FSIP1: variants seen among roughly 807,000 people sequenced by gnomAD.
FSIP1 encodes fibrous sheath-interacting protein 1.
Under a neutral mutation model 60.9 loss-of-function variants are expected in FSIP1, and 65 were observed. The observed-to-expected ratio is 1.07, with a 90% CI of 0.87 to 1.31. FSIP1 has a LOEUF of 1.31. FSIP1 is among the 40% of genes most tolerant of loss of function. FSIP1 has a pLI of 0.00. For synonymous variants in FSIP1, 209 were observed against 221.2 expected, an observed-to-expected ratio of 0.94 and a Z score of 0.49; for missense variants, 675 against 665.5, an observed-to-expected ratio of 1.01 and a Z score of -0.16.
chr15:39,670,544 C>T (rs151027075), intron 10 of FSIP1, among the ~76,000 whole-genome samples: 189 of 152,182 alleles, frequency 1.2e-3, no homozygotes, highest in African/African-American at 4.5e-3. Context: ...TGCAGTGGTG[C>T]GATCATAGCT....
chr15:39,727,171 G>T (rs1277284285), intron 8 of FSIP1, among the ~76,000 whole-genome samples: 1 of 152,076 alleles, frequency 6.6e-6, no homozygotes, highest in African/African-American at 2.4e-5. Flanking sequence ...CAGTTGCTTG[G>T]GTTTCACAAA....
chr15:39,679,221 G>C (rs1894062967), intron 10 of FSIP1, among the ~76,000 whole-genome samples: 1 of 152,138 alleles, frequency 6.6e-6, no homozygotes, highest in African/African-American at 2.4e-5. Context: ...AATTATTACA[G>C]TAGCCAAGAA....
At chr15:39,740,626 G>C (rs1002508341) in intron 6 of FSIP1, among the ~76,000 whole-genome samples, 2 of 152,082 alleles carry the variant, frequency 1.3e-5, no homozygotes, top group African/African-American at 2.4e-5. Context: ...CCAGTCACAA[G>C]CTCAATCCAG....
chr15:39,617,143 A>G (rs1891259837), intron 11 of FSIP1, among the ~76,000 whole-genome samples: 1 of 152,244 alleles, frequency 6.6e-6, no homozygotes, highest in Admixed American at 6.5e-5. Context: ...AATTGAATCT[A>G]TTTAAATAGA....
intron 10 of FSIP1, among the ~76,000 whole-genome samples, chr15:39,707,773 A>C (rs1317906410): frequency 2.0e-5 from 3 of 152,166 alleles, no homozygotes; most frequent in Non-Finnish European, 4.4e-5. Flanking sequence ...CATTGGGCTC[A>C]GGGGACCTGC....
At chr15:39,601,730 G>A (rs1389303001) in intron 11 of FSIP1, among the ~76,000 whole-genome samples, 3 of 152,222 alleles carry the variant, frequency 2.0e-5, no homozygotes, top group Admixed American at 2.0e-4. Context: ...AGAAAAGAGT[G>A]GAGTATGGAT....
chr15:39,754,357 G>A (rs529198009), intron 5 of FSIP1, among the ~76,000 whole-genome samples: 11 of 152,176 alleles, frequency 7.2e-5, no homozygotes, highest in African/African-American at 2.4e-4. Context: ...CTGGCCCACA[G>A]AAACTGTGAG....
At chr15:39,668,073 G>A (rs73393293) in intron 10 of FSIP1, among the ~76,000 whole-genome samples, 3,127 of 152,178 alleles carry the variant, frequency 0.021, 109 homozygotes, top group African/African-American at 0.071. Flanking sequence ...GCCTATTGCA[G>A]TAAACTTAGG....
At chr15:39,630,890 T>C (rs1282569008) in intron 10 of FSIP1, among the ~76,000 whole-genome samples, 1 of 152,174 alleles carries the variant, frequency 6.6e-6, no homozygotes, top group African/African-American at 2.4e-5. Context: ...CAGAGCAGCC[T>C]AGTAAGGGGA....
chr15:39,770,697 GA>G, intron 2 of FSIP1, 87 bp from the exon 3 acceptor site: 1 of 749,174 alleles, frequency 1.3e-6, no homozygotes, highest in South Asian at 2.5e-5. Flanking sequence ...GACACTAATG[GA>G]AGCAGATGGA....
At chr15:39,731,823 G>A (rs1896415990) in intron 8 of FSIP1, among the ~76,000 whole-genome samples, 1 of 152,194 alleles carries the variant, frequency 6.6e-6, no homozygotes, top group Non-Finnish European at 1.5e-5. Context: ...AGTGACCTGA[G>A]ATCGGATGCA....
At chr15:39,715,721 G>A (rs1410216965) in intron 9 of FSIP1, among the ~76,000 whole-genome samples, 2 of 152,102 alleles carry the variant, frequency 1.3e-5, no homozygotes, top group African/African-American at 4.8e-5. Flanking sequence ...TGGAGGTGGC[G>A]CCTGGTGGGA....
chr15:39,755,340 G>C (rs1009403202), intron 5 of FSIP1, among the ~76,000 whole-genome samples: 5 of 152,102 alleles, frequency 3.3e-5, no homozygotes, highest in African/African-American at 1.2e-4. Context: ...GGCAGAGGAT[G>C]AATGAACACA....
At chr15:39,688,727 C>T (rs1172219485) in intron 10 of FSIP1, among the ~76,000 whole-genome samples, 2 of 152,190 alleles carry the variant, frequency 1.3e-5, no homozygotes, top group Non-Finnish European at 1.5e-5. Flanking sequence ...TGTCCAAATA[C>T]ATACAGGCCT....
rs557934316 is a variant in FSIP1 at position 39,707,844 on chromosome 15, A to T, written c.1188+5600T>A. Among the ~76,000 whole-genome samples, 83 of 152,098 alleles carry T rather than the reference A, an allele frequency of 5.5e-4. 1 individual carries two copies. The highest frequency in any genetic ancestry group is 1.5e-4 in the Non-Finnish European group (10 of 68,028). ...CAAGCAGTCTGGCCCTTAACCACCA[A>T]GCCCCCTATATAAAGCTTATATAAT... On this transcript the variant is annotated intron_variant, in intron 10 of 11. Transcript: ENST00000350221.
At chr15:39,662,264 G>A (rs1314842067) in intron 10 of FSIP1, among the ~76,000 whole-genome samples, 1 of 152,040 alleles carries the variant, frequency 6.6e-6, no homozygotes, top group African/African-American at 2.4e-5. Context: ...AGTTATACTG[G>A]TTAGCAGGAG....
intron 10 of FSIP1, among the ~76,000 whole-genome samples, chr15:39,682,554 A>T (rs556016813): frequency 6.6e-6 from 1 of 152,342 alleles, no homozygotes; most frequent in East Asian, 1.9e-4. Context: ...TCCCCGGATG[A>T]GGGCTCCCTT....
chr15:39,782,143 G>A (rs1050800037), intron 1 of FSIP1, among the ~76,000 whole-genome samples: 1 of 152,188 alleles, frequency 6.6e-6, no homozygotes, highest in African/African-American at 2.4e-5. Context: ...CCCTACACTG[G>A]GCTGGGGCCC....
chr15:39,648,443 C>A (rs187459401), intron 10 of FSIP1, among the ~76,000 whole-genome samples: 1 of 152,176 alleles, frequency 6.6e-6, no homozygotes, highest in Non-Finnish European at 1.5e-5. Context: ...GAAGGTGAGA[C>A]ATACGCATCG....
Sources: gnomAD v4.1 joint callset for allele counts (sites outside exome capture counted in the v4.1 genomes callset) on GRCh38, gnomAD v4.1.1 for gene constraint, MANE v1.5 for transcripts, NCBI Gene and HGNC (gene_info 2026-07-23, HGNC 2026-07-21) for gene names.